Variants in RANBP2 observed in about 807,000 individuals in gnomAD.
RANBP2 encodes the protein E3 SUMO-protein ligase RanBP2.
RANBP2 carries 57 observed loss-of-function variants against 303.6 expected under a neutral mutation model. That is an observed-to-expected ratio of 0.19 (90% confidence interval 0.15 to 0.23). The LOEUF is 0.23. Ranked by LOEUF, RANBP2 falls within the 10% of genes least tolerant of loss-of-function variation. The probability of loss-of-function intolerance (pLI) is 1.00; values close to 1 mark genes in which losing one functional copy is unlikely to be tolerated. For synonymous variants in RANBP2, 1,167 were observed against 1,301.5 expected, an observed-to-expected ratio of 0.90 and a Z score of 2.23; for missense variants, 3,138 against 3,780.8, an observed-to-expected ratio of 0.83 and a Z score of 4.46.
At chr2:109,617,277 G>T in the RANBP2 span, 1 of 166,918 alleles carries the variant, frequency 6.0e-6, no homozygotes, top group African/African-American at 2.4e-5. Context: ...AATTAAAATG[G>T]CACTTTATAA....
chr2:109,524,469 A>AAAAAAAAAAAAAAC, the RANBP2 span, among the ~76,000 whole-genome samples: 23 of 80,868 alleles, frequency 2.8e-4, no homozygotes, highest in African/African-American at 9.8e-4. Context: ...AAAAAAAACA[A>AAAAAAAAAAAAAAC]AACAACACTG....
At chr2:108,941,977 G>A in the RANBP2 span, among the ~76,000 whole-genome samples, 3 of 152,226 alleles carry the variant, frequency 2.0e-5, no homozygotes, top group Non-Finnish European at 2.9e-5. Context: ...CCTGCTGGCT[G>A]GGGAAGGTGG....
chr2:109,374,531 G>A, the RANBP2 span, among the ~76,000 whole-genome samples: 1 of 152,236 alleles, frequency 6.6e-6, no homozygotes, highest in East Asian at 1.9e-4. Context: ...TTGGGTGTTT[G>A]CAGGGTTCCT....
At chr2:109,303,422 G>A in the RANBP2 span, among the ~76,000 whole-genome samples, 1 of 152,250 alleles carries the variant, frequency 6.6e-6, no homozygotes, top group East Asian at 1.9e-4. Context: ...TATTTTTAAT[G>A]TAGGATGATC....
At chr2:108,876,092 A>G in the RANBP2 span, 1 of 1,580,880 alleles carries the variant, frequency 6.3e-7, no homozygotes, top group South Asian at 1.1e-5. Context: ...TTACAGGAGT[A>G]ATAAGAAGCT....
chr2:109,215,549 C>T, the RANBP2 span, among the ~76,000 whole-genome samples: 1 of 152,106 alleles, frequency 6.6e-6, no homozygotes, highest in Admixed American at 6.5e-5. Context: ...GGGTTCCTCT[C>T]GGGAGAGCCC....
At chr2:109,462,024 A>G in the RANBP2 span, among the ~76,000 whole-genome samples, 1 of 151,976 alleles carries the variant, frequency 6.6e-6, no homozygotes, top group East Asian at 1.9e-4. Context: ...CACACCACCA[A>G]ACCCCTAGAA....
the RANBP2 span, among the ~76,000 whole-genome samples, chr2:109,180,410 T>C: frequency 6.6e-6 from 1 of 152,162 alleles, no homozygotes; most frequent in African/African-American, 2.4e-5. Flanking sequence ...CAGAGGCCAT[T>C]AGCTAGCCAA....
At chr2:109,338,465 A>AT in the RANBP2 span, among the ~76,000 whole-genome samples, 2 of 150,408 alleles carry the variant, frequency 1.3e-5, no homozygotes, top group Non-Finnish European at 3.0e-5. Flanking sequence ...CAGATACTTT[A>AT]TTTTTTCTTA....
intron 18 of RANBP2, among the ~76,000 whole-genome samples, chr2:108,761,370 GTT>G (rs1301571668): frequency 1.3e-5 from 2 of 152,006 alleles, no homozygotes; most frequent in Non-Finnish European, 2.9e-5. Flanking sequence ...CACAGTTTCT[GTT>G]TCTTTTTCCA....
the RANBP2 span, among the ~76,000 whole-genome samples, chr2:109,076,422 A>T: frequency 6.9e-6 from 1 of 145,564 alleles, no homozygotes; most frequent in Non-Finnish European, 1.5e-5. Flanking sequence ...CAGATAAATT[A>T]GATAGGAAAA....
chr2:109,187,986 G>T, the RANBP2 span, among the ~76,000 whole-genome samples: 124,656 of 152,144 alleles, frequency 0.82, 51,202 homozygotes, highest in East Asian at 0.89. Context: ...AAGGAAGGGG[G>T]GCACAGCGGG....
chr2:109,251,492 G>A, the RANBP2 span: 3 of 740,884 alleles, frequency 4.0e-6, no homozygotes, highest in Admixed American at 1.7e-5. Context: ...TTAAATGGTG[G>A]CAGACATGTC....
the RANBP2 span, among the ~76,000 whole-genome samples, chr2:109,167,630 G>A: frequency 7.9e-5 from 12 of 152,144 alleles, no homozygotes; most frequent in African/African-American, 2.7e-4. Context: ...GGAGTGCAGC[G>A]GCACGATCTC....
At chr2:109,027,242 CAAA>C in the RANBP2 span, among the ~76,000 whole-genome samples, 4 of 81,520 alleles carry the variant, frequency 4.9e-5, no homozygotes, top group African/African-American at 1.5e-4. Context: ...GGCTCTGTCT[CAAA>C]AAAAAAAAAA....
the RANBP2 span, among the ~76,000 whole-genome samples, chr2:109,260,697 A>G: frequency 6.6e-6 from 1 of 152,174 alleles, no homozygotes; most frequent in Non-Finnish European, 1.5e-5. Context: ...CAGAGGGTGA[A>G]GAGAAGACTT....
At chr2:108,973,501 G>A in the RANBP2 span, among the ~76,000 whole-genome samples, 12 of 152,148 alleles carry the variant, frequency 7.9e-5, no homozygotes, top group Non-Finnish European at 1.3e-4. Flanking sequence ...AGGATGCCAA[G>A]GGCCTGAACC....
chr2:109,222,260 T>C, the RANBP2 span, among the ~76,000 whole-genome samples: 3 of 152,198 alleles, frequency 2.0e-5, no homozygotes, highest in Non-Finnish European at 4.4e-5. Context: ...TCAGAAGGAA[T>C]GAATTCTCGT....
chr2:109,103,642 C>T, the RANBP2 span, among the ~76,000 whole-genome samples: 1 of 152,174 alleles, frequency 6.6e-6, no homozygotes. Context: ...TAGGTGAAAT[C>T]TCTAGGTGAA....
Sources: gnomAD v4.1 joint callset for allele counts (sites outside exome capture counted in the v4.1 genomes callset) on GRCh38, gnomAD v4.1.1 for gene constraint, MANE v1.5 for transcripts, NCBI Gene and HGNC (gene_info 2026-07-23, HGNC 2026-07-21) for gene names.